The following AFF1 variants were observed in gnomAD, a reference collection of about 807,000 sequenced individuals.
AFF1 encodes the protein AF4/FMR2 family member 1.
In AFF1, 48 loss-of-function variants were observed where a neutral mutation model predicts 121.7. The observed-to-expected ratio is 0.39, with a 90% CI of 0.31 to 0.50. The LOEUF (loss-of-function observed/expected upper bound fraction) is 0.50. Ranked by LOEUF, AFF1 falls within the 20% of genes least tolerant of loss-of-function variation. The pLI is 0.76. For missense variants in AFF1, 1,523 were observed against 1,511.7 expected (o/e 1.01, Z -0.12); for synonymous variants, 613 against 563.0 (o/e 1.09, Z -1.26).
Position 87,099,226 on chromosome 4 carries a change from C to G in AFF1, c.1283+4257C>G, listed in dbSNP as rs1725177167. Among the ~76,000 whole-genome samples the G allele has an allele frequency of 2.0e-5, 3 of 152,120 alleles. No individual in the cohort carries two copies. The South Asian group carries it at 6.2e-4, about 31-fold the overall frequency. ...ATTATGGAAGTGGTAGAAATCTGCCCCATGTGTAAAGCTTAGAACTTGACA... is the reference window on the plus strand; with the variant it reads ...ATTATGGAAGTGGTAGAAATCTGCCGCATGTGTAAAGCTTAGAACTTGACA... On this transcript the variant is annotated intron_variant, in intron 8 of 20. Coordinates refer to ENST00000395146, the MANE Select transcript of AFF1 (RefSeq NM_001166693.3).
intron 2 of AFF1, among the ~76,000 whole-genome samples, chr4:87,028,142 C>G (rs374495487): frequency 1.5e-4 from 23 of 152,220 alleles, no homozygotes; most frequent in African/African-American, 5.3e-4. Context: ...AAGGGATACC[C>G]AGTCTGTATT....
chr4:87,006,127 A>C (rs1726096737), intron 2 of AFF1, among the ~76,000 whole-genome samples: 1 of 152,170 alleles, frequency 6.6e-6, no homozygotes, highest in Admixed American at 6.5e-5. Flanking sequence ...CGATTTAGTA[A>C]TACAATCTGG....
chr4:87,091,657 C>A, intron 6 of AFF1, 136 bp from the exon 7 acceptor site: 1 of 625,526 alleles, frequency 1.6e-6, no homozygotes. Flanking sequence ...TGGGTATTCT[C>A]TACACTGTTT....
rs911340638 is a variant in AFF1, at chr4:86,941,977, A to G, written c.-36-6521A>G. 9.9e-5 allele frequency among the ~76,000 whole-genome samples: 15 copies of G among 151,946 alleles called. 1 individual carries two copies. The highest frequency in any genetic ancestry group is 3.6e-4 in the African/African-American group (15 of 41,366). Reference sequence around the variant, plus strand: ...TTTTTCCTTATAAATTGGAGTGAGCAATATAGCAATATCTTCTTTATTGAG... The same window carrying G: ...TTTTTCCTTATAAATTGGAGTGAGCGATATAGCAATATCTTCTTTATTGAG... On this transcript the variant is annotated intron_variant, in intron 1 of 20. Transcript: ENST00000395146.
At chr4:86,978,913 A>G (rs1723514277) in intron 2 of AFF1, among the ~76,000 whole-genome samples, 1 of 152,186 alleles carries the variant, frequency 6.6e-6, no homozygotes, top group Non-Finnish European at 1.5e-5. Flanking sequence ...CTTTTTAAAT[A>G]GAAAACAGGC....
At chr4:87,021,730 A>G (rs912942021) in intron 2 of AFF1, among the ~76,000 whole-genome samples, 2 of 152,230 alleles carry the variant, frequency 1.3e-5, no homozygotes, top group Admixed American at 6.5e-5. Context: ...TTCCCTTTCA[A>G]TCTTTTATTT....
At chr4:87,082,108 T>G (rs1723237854) in intron 4 of AFF1, among the ~76,000 whole-genome samples, 1 of 152,182 alleles carries the variant, frequency 6.6e-6, no homozygotes. Context: ...GCCAAATATT[T>G]TGATTGGATT....
intron 4 of AFF1, among the ~76,000 whole-genome samples, chr4:87,075,730 T>C (rs1393098075): frequency 6.6e-6 from 1 of 152,236 alleles, no homozygotes; most frequent in Non-Finnish European, 1.5e-5. Context: ...CACAAGATAA[T>C]ACTTCTTTAA....
At chr4:86,990,181 A>G (rs1724592422) in intron 2 of AFF1, among the ~76,000 whole-genome samples, 1 of 151,884 alleles carries the variant, frequency 6.6e-6, no homozygotes, top group Non-Finnish European at 1.5e-5. Flanking sequence ...TAATAATAAT[A>G]ATAATAATAG....
intron 4 of AFF1, among the ~76,000 whole-genome samples, chr4:87,081,005 T>G (rs1027605627): frequency 2.6e-5 from 4 of 152,138 alleles, no homozygotes; most frequent in African/African-American, 9.7e-5. Context: ...ATTAACTCTC[T>G]AACTTACTCT....
At chr4:87,051,693 C>A (rs982244011) in intron 4 of AFF1, among the ~76,000 whole-genome samples, 1 of 152,032 alleles carries the variant, frequency 6.6e-6, no homozygotes, top group African/African-American at 2.4e-5. Context: ...TGGTCTCAAT[C>A]TCTTGACTTC....
intron 2 of AFF1, among the ~76,000 whole-genome samples, chr4:87,016,028 A>G (rs1398492869): frequency 3.9e-5 from 6 of 152,204 alleles, no homozygotes; most frequent in Admixed American, 2.0e-4. Context: ...TAAAAATACA[A>G]ACATTAGCTG....
intron 2 of AFF1, among the ~76,000 whole-genome samples, chr4:86,971,995 G>A (rs1203635161): frequency 2.6e-5 from 4 of 151,940 alleles, no homozygotes; most frequent in African/African-American, 4.8e-5. Context: ...AAGATTAGTC[G>A]GGAATAGTGG....
At chr4:87,069,997 G>T (rs1442123787) in intron 4 of AFF1, among the ~76,000 whole-genome samples, 1 of 150,244 alleles carries the variant, frequency 6.7e-6, no homozygotes, top group Non-Finnish European at 1.5e-5. Flanking sequence ...ATTTTTTGTT[G>T]TTGGTTTTGT....
At chr4:86,949,584 C>T (rs1342768451) in intron 2 of AFF1, 18 of 1,017,078 alleles carry the variant, frequency 1.8e-5, no homozygotes, top group African/African-American at 5.1e-5. Flanking sequence ...GGCTTTATTC[C>T]GGGTGCTGGA....
intron 7 of AFF1, among the ~76,000 whole-genome samples, chr4:87,094,131 CTCT>C (rs573207618): frequency 7.4e-4 from 113 of 152,240 alleles, no homozygotes; most frequent in East Asian, 1.7e-3. Flanking sequence ...AACTCAGACC[CTCT>C]TCTTCTTGTT....
intron 2 of AFF1, among the ~76,000 whole-genome samples, chr4:86,989,670 A>T (rs1283892896): frequency 2.0e-5 from 3 of 152,234 alleles, no homozygotes; most frequent in Non-Finnish European, 4.4e-5. Context: ...CAATCCCATT[A>T]CTTGGGTATA....
At chr4:87,085,177 C>CTTAA (rs1053532303) in intron 5 of AFF1, among the ~76,000 whole-genome samples, 9 of 152,328 alleles carry the variant, frequency 5.9e-5, no homozygotes, top group Admixed American at 1.3e-4. Context: ...CCTTCTAGAA[C>CTTAA]TTAATTCCAG....
intron 4 of AFF1, among the ~76,000 whole-genome samples, chr4:87,054,694 G>A (rs531569590): frequency 1.3e-5 from 2 of 152,228 alleles, no homozygotes; most frequent in East Asian, 1.9e-4. Context: ...CTTCCAAACC[G>A]CTTGTAAGAA....
Sources: allele counts gnomAD v4.1 joint callset (sites outside exome capture counted in the v4.1 genomes callset), GRCh38; gene constraint gnomAD v4.1.1; transcripts MANE v1.5; gene names NCBI Gene and HGNC (gene_info 2026-07-23, HGNC 2026-07-21).